SRL: variants seen among roughly 807,000 people sequenced by gnomAD.
SRL encodes the protein sarcalumenin.
SRL carries 23 observed loss-of-function variants against 39.5 expected under a neutral mutation model. The ratio of observed to expected loss-of-function variants is 0.58; its 90% CI spans 0.42 to 0.82. The LOEUF is 0.82. SRL is among the 40% of genes least tolerant of loss of function. The probability of loss-of-function intolerance (pLI) is 0.00; values close to 1 mark genes in which losing one functional copy is unlikely to be tolerated. For synonymous variants in SRL, 272 were observed against 237.4 expected (o/e 1.15, Z -1.34); for missense variants, 592 against 607.8 (o/e 0.97, Z 0.27).
intron 5 of SRL, among the ~76,000 whole-genome samples, chr16:4,193,633 G>A (rs1006282402): frequency 2.0e-5 from 3 of 152,076 alleles, no homozygotes; most frequent in Non-Finnish European, 2.9e-5. Context: ...ATCAACATCT[G>A]AACTGATATA....
At chr16:4,238,650 G>A (rs2052738891) in intron 1 of SRL, among the ~76,000 whole-genome samples, 1 of 150,408 alleles carries the variant, frequency 6.6e-6, no homozygotes, top group African/African-American at 2.5e-5. Flanking sequence ...CTTGAGACAA[G>A]GTCTCGCTCT....
rs778811887 is a variant in SRL at position 4,195,548 on chromosome 16, A to G, written c.610+5T>C. 9 of 1,613,878 alleles carry G rather than the reference A, an allele frequency of 5.6e-6. No individual in the cohort carries two copies. Among genetic ancestry groups the G allele is most frequent in the Non-Finnish European group, 7.6e-6 (9 of 1,179,836 alleles). Reference sequence around the variant, plus strand: ...TACACTGTTCAGAAATGAGGGCTAAATTACCTCTTTCTTGCTGCTTGCGGT... The same window carrying G: ...TACACTGTTCAGAAATGAGGGCTAAGTTACCTCTTTCTTGCTGCTTGCGGT... On this transcript the variant is annotated splice_donor_5th_base_variant and intron_variant, in intron 5 of 5. Transcript: ENST00000399609.
chr16:4,189,988 G>A lies in SRL; in HGVS notation c.*2165C>T. ...GGGGTTTGCGGAGGGTGGTTAATGA[G>A]AAGAAAAGTCCAGGACAGATTCCAT... On this transcript the variant is annotated 3_prime_UTR_variant, in exon 6 of 6. Transcript: ENST00000399609. The A allele has an allele frequency of 3.2e-6, 1 of 316,564 alleles. No homozygotes were observed. The highest frequency in any genetic ancestry group is 5.7e-6 in the Non-Finnish European group (1 of 174,642). The allele number at this position is 316,564 out of a possible 1,614,324, so 19.6% of individuals were successfully genotyped here.
rs1359432613 is a variant in SRL at position 4,204,620 on chromosome 16, C to T, written c.76G>A (p.Ala26Thr). Residue 26 changes from alanine to threonine, a missense_variant, in exon 2 of 6, where the codon GCA becomes ACA. By Grantham distance (58) the Ala-to-Thr change is moderately conservative. Coordinates refer to ENST00000399609, the MANE Select transcript of SRL (RefSeq NM_001098814.2). ...FSGQAEETED[A>T]NEEAPLRDRS... ...TCCCTCAATGGGGCTTCTTCATTTGCATCCTCCGTCTCTTCTGTGGAGAGA... is the reference window on the plus strand; with the variant it reads ...TCCCTCAATGGGGCTTCTTCATTTGTATCCTCCGTCTCTTCTGTGGAGAGA... 6.2e-7 allele frequency: 1 copy of T among 1,614,132 alleles called. No individual in the cohort carries two copies. The highest frequency in any genetic ancestry group is 8.5e-7 in the Non-Finnish European group (1 of 1,179,990).
intron 1 of SRL, among the ~76,000 whole-genome samples, chr16:4,224,761 A>G (rs2052568904): frequency 6.6e-6 from 1 of 152,172 alleles, no homozygotes; most frequent in African/African-American, 2.4e-5. Context: ...GTGTCCCCAG[A>G]ATGTATATCC....
chr16:4,213,303 C>T (rs928541673), intron 1 of SRL, among the ~76,000 whole-genome samples: 1 of 151,648 alleles, frequency 6.6e-6, no homozygotes, highest in Non-Finnish European at 1.5e-5. Context: ...CTCGCTTCTT[C>T]CTTCAAAATA....
chr16:4,211,860 C>T (rs114761042), intron 1 of SRL, among the ~76,000 whole-genome samples: 3,862 of 151,268 alleles, frequency 0.026, 151 homozygotes, highest in African/African-American at 0.085. Flanking sequence ...ACGACGATGA[C>T]GACGATGGTG....
chr16:4,234,751 C>A (rs572993875), intron 1 of SRL, among the ~76,000 whole-genome samples: 12 of 152,200 alleles, frequency 7.9e-5, no homozygotes, highest in African/African-American at 1.9e-4. Flanking sequence ...CAGCCGTGCT[C>A]GCCATGGCTC....
intron 1 of SRL, among the ~76,000 whole-genome samples, chr16:4,231,503 C>T (rs887175277): frequency 6.6e-6 from 1 of 152,164 alleles, no homozygotes; most frequent in African/African-American, 2.4e-5. Context: ...CATCCTGGGG[C>T]CCACATGCTC....
At chr16:4,230,425 G>A (rs1473595333) in intron 1 of SRL, among the ~76,000 whole-genome samples, 5 of 150,482 alleles carry the variant, frequency 3.3e-5, no homozygotes, top group Non-Finnish European at 5.9e-5. Context: ...CTGTCGCCCA[G>A]GCTGGAGTAT....
Position 4,189,837 on chromosome 16 carries a change from T to C in SRL, c.*2316A>G. The C allele has an allele frequency of 6.4e-6, 1 of 157,174 alleles. No homozygotes were observed. Among genetic ancestry groups the C allele is most frequent in the Non-Finnish European group, 1.4e-5 (1 of 71,502 alleles). 9.7% of individuals were successfully genotyped at this position (157,174 alleles called of 1,614,324 possible). A position where few individuals can be genotyped will look rare whatever the true frequency, so the allele number is the denominator to read the frequency against. Reference sequence around the variant, plus strand: ...CACAGTTGTGCATCTTTTTTTGTTTTTCCCCTGACTACACAGAAAAACAGA... The same window carrying C: ...CACAGTTGTGCATCTTTTTTTGTTTCTCCCCTGACTACACAGAAAAACAGA... On this transcript the variant is annotated 3_prime_UTR_variant, in exon 6 of 6. Transcript: ENST00000399609.
intron 1 of SRL, among the ~76,000 whole-genome samples, chr16:4,238,229 C>G (rs12595876): frequency 3.9e-5 from 6 of 152,132 alleles, no homozygotes; most frequent in Admixed American, 1.3e-4. Flanking sequence ...TAAGCCCAGG[C>G]GCTCCATCCC....
At chr16:4,198,734 A>T (rs2141026331) in intron 3 of SRL, among the ~76,000 whole-genome samples, 1 of 152,290 alleles carries the variant, frequency 6.6e-6, no homozygotes, top group East Asian at 1.9e-4. Context: ...GCTATGAACC[A>T]TTGCACTTAC....
At position 4,211,607 on chromosome 16, in the gene SRL, G is replaced by A. The variant is rs62037567; in HGVS notation, c.62-6973C>T. ...GGTGATGATGGTGATGGTGATGACC[G>A]TGCCGATGATGAGGGTCGTGATGAT... On this transcript the variant is annotated intron_variant, in intron 1 of 5. Transcript: ENST00000399609. 8.8e-5 allele frequency among the ~76,000 whole-genome samples: 12 copies of A among 136,658 alleles called. No individual in the cohort carries two copies. The East Asian group carries it at 2.2e-3, about 25-fold the overall frequency. 89.7% of individuals were successfully genotyped at this position (136,658 alleles called of 152,430 possible). A position where few individuals can be genotyped will look rare whatever the true frequency, so the allele number is the denominator to read the frequency against.
Position 4,192,165 on chromosome 16 carries a change from G to A in SRL, c.1410C>T (p.Tyr470=). 1 of 1,552,118 alleles carries A rather than the reference G, an allele frequency of 6.4e-7. No homozygotes were observed. The highest frequency in any genetic ancestry group is 8.7e-7 in the Non-Finnish European group (1 of 1,152,660). The part of the protein sequence containing the change: ...TGCSETPKNR[Y]RKH ...ACCGCTCCACCACCTAGTGCTTCCT[G>A]TAGCGATTTTTTGGTGTTTCGCTAC... is the stretch of plus-strand genomic sequence containing the variant. The change falls in exon 6 of 6, where the codon TAC becomes TAT. Residue 470 remains tyrosine (Y), a synonymous_variant. Transcript: ENST00000399609. The surrounding 1 kb of genome is among the most constrained non-coding windows in gnomAD (Gnocchi z 4.0).
intron 5 of SRL, among the ~76,000 whole-genome samples, chr16:4,195,348 G>C (rs11076819): frequency 0.51 from 77,105 of 151,552 alleles, 19,800 homozygotes; most frequent in South Asian, 0.62. Flanking sequence ...AGGCACATGC[G>C]AACATGCCTG....
intron 1 of SRL, chr16:4,207,775 C>T (rs1265541667): frequency 2.4e-5 from 11 of 453,104 alleles, no homozygotes; most frequent in South Asian, 6.2e-5. Flanking sequence ...GGAGGGAGGG[C>T]GCTTGCCACT....
At chr16:4,193,094 G>T in intron 5 of SRL, 130 bp from the exon 6 acceptor site, 1 of 773,920 alleles carries the variant, frequency 1.3e-6, no homozygotes, top group Non-Finnish European at 2.0e-6. Flanking sequence ...GGTTTCTACA[G>T]ACTATTAAAA....
chr16:4,195,288 C>T lies in SRL; in HGVS notation c.610+265G>A, dbSNP rs189415299. ...TACGGCTCATTGCAGCCTCAACTTC[C>T]TCAGCTCAAGCAATCTTCCCACCTC... On this transcript the variant is annotated intron_variant, in intron 5 of 5. Transcript: ENST00000399609. Among the ~76,000 whole-genome samples the T allele has an allele frequency of 2.1e-3, 327 of 152,258 alleles. 2 individuals are homozygous for T. The highest frequency in any genetic ancestry group is 7.7e-3 in the African/African-American group (318 of 41,554).
Sources: allele counts gnomAD v4.1 joint callset (sites outside exome capture counted in the v4.1 genomes callset), GRCh38; gene constraint gnomAD v4.1.1; non-coding constraint Gnocchi (gnomAD v3.1); transcripts MANE v1.5; gene names NCBI Gene and HGNC (gene_info 2026-07-23, HGNC 2026-07-21).